Variants in GPC5 observed in about 807,000 individuals in gnomAD.
GPC5 encodes glypican-5.
Under a neutral mutation model 53.9 loss-of-function variants are expected in GPC5, and 47 were observed. That is an observed-to-expected ratio of 0.87 (90% CI 0.69 to 1.11). The LOEUF (loss-of-function observed/expected upper bound fraction) is 1.11, where lower values mean the gene tolerates loss of function less well. Among genes scored for constraint, GPC5 ranks in the 50% most tolerant of loss-of-function variants. GPC5 has a pLI of 0.00. For missense variants in GPC5, 748 were observed against 713.1 expected (o/e 1.05, Z -0.56); for synonymous variants, 286 against 263.3 (o/e 1.09, Z -0.84).
chr13:92,719,602 G>T (rs771472809), intron 7 of GPC5, among the ~76,000 whole-genome samples: 1 of 151,988 alleles, frequency 6.6e-6, no homozygotes. Context: ...TTTTCCAGAG[G>T]TTCTAACAAT....
intron 7 of GPC5, among the ~76,000 whole-genome samples, chr13:92,247,764 C>A (rs528091452): frequency 6.6e-6 from 1 of 152,072 alleles, no homozygotes; most frequent in Non-Finnish European, 1.5e-5. Context: ...AGAATACTAG[C>A]TTTTCTTAAT....
chr13:92,381,888 AT>A lies in GPC5; in HGVS notation c.1561+236901del, dbSNP rs1566565286. ...ATATATCATATATATGATTATATAT[AT>A]TATATATAATCATATATATGATATA... On this transcript the variant is annotated intron_variant, in intron 7 of 7. Transcript: ENST00000377067. 1.6e-4 allele frequency among the ~76,000 whole-genome samples: 14 copies of A among 86,070 alleles called. No individual in the cohort carries two copies. The East Asian group carries it at 4.1e-3, about 25-fold the overall frequency. 56.5% of individuals were successfully genotyped at this position (86,070 alleles called of 152,430 possible).
At position 91,790,578 on chromosome 13, in the gene GPC5, A is replaced by G. The variant is rs150814399; in HGVS notation, c.1280+34158A>G. ...TGTTAGGGGTATAATGTTAATGATG[A>G]TTTCTATGGTGTAAATCAGGACTTT... On this transcript the variant is annotated intron_variant, in intron 5 of 7. Coordinates refer to ENST00000377067, the MANE Select transcript of GPC5 (RefSeq NM_004466.6). Among the ~76,000 whole-genome samples, 42 of 152,326 alleles carry G rather than the reference A, an allele frequency of 2.8e-4. 1 individual carries two copies. The East Asian group carries it at 8.1e-3, about 29-fold the overall frequency.
intron 7 of GPC5, among the ~76,000 whole-genome samples, chr13:92,708,120 A>C (rs1399901839): frequency 6.6e-6 from 1 of 152,214 alleles, no homozygotes; most frequent in African/African-American, 2.4e-5. Flanking sequence ...AATCAGCATG[A>C]GAAACATATT....
At chr13:92,791,463 A>G (rs967228972) in intron 7 of GPC5, among the ~76,000 whole-genome samples, 2 of 151,830 alleles carry the variant, frequency 1.3e-5, no homozygotes, top group African/African-American at 4.8e-5. Flanking sequence ...GTGTCCTCAC[A>G]AAGGAGGGAC....
chr13:92,179,872 G>A (rs1264539359), intron 7 of GPC5, among the ~76,000 whole-genome samples: 8 of 152,254 alleles, frequency 5.3e-5, no homozygotes, highest in Middle Eastern at 3.4e-3. Flanking sequence ...TAATGAAAAC[G>A]TATAGGTGAA....
At chr13:91,804,111 G>A (rs1193457250) in intron 5 of GPC5, among the ~76,000 whole-genome samples, 3 of 152,156 alleles carry the variant, frequency 2.0e-5, no homozygotes, top group African/African-American at 7.2e-5. Context: ...TCTGGAACTA[G>A]TCACTTCTGA....
intron 5 of GPC5, among the ~76,000 whole-genome samples, chr13:91,887,908 C>T (rs1465847739): frequency 6.6e-6 from 1 of 152,172 alleles, no homozygotes; most frequent in Non-Finnish European, 1.5e-5. Context: ...ATTTTTCTGT[C>T]TTCTTCTGAA....
At chr13:91,705,619 T>A (rs954536883) in intron 3 of GPC5, among the ~76,000 whole-genome samples, 1 of 152,068 alleles carries the variant, frequency 6.6e-6, no homozygotes, top group East Asian at 1.9e-4. Context: ...TGTGTTTCAA[T>A]GTTACCTTCA....
chr13:92,622,234 C>A (rs1452476187), intron 7 of GPC5, among the ~76,000 whole-genome samples: 10 of 152,184 alleles, frequency 6.6e-5, no homozygotes, highest in African/African-American at 2.4e-4. Flanking sequence ...TGTTCCTGTC[C>A]TGAAGACCCA....
At chr13:92,332,386 T>C (rs2043294119) in intron 7 of GPC5, among the ~76,000 whole-genome samples, 1 of 152,148 alleles carries the variant, frequency 6.6e-6, no homozygotes, top group Non-Finnish European at 1.5e-5. Context: ...ATAAAGATAA[T>C]TGACAGAAAA....
intron 7 of GPC5, among the ~76,000 whole-genome samples, chr13:92,276,038 TAGAAAA>T (rs2042872825): frequency 6.6e-6 from 1 of 152,110 alleles, no homozygotes; most frequent in Non-Finnish European, 1.5e-5. Context: ...TCAGTTCATT[TAGAAAA>T]TGAACTGAGA....
chr13:91,782,284 G>T (rs1401353047), intron 5 of GPC5, among the ~76,000 whole-genome samples: 1 of 152,136 alleles, frequency 6.6e-6, no homozygotes, highest in Admixed American at 6.5e-5. Context: ...GTGAACGGTA[G>T]GTGGATTAGT....
At chr13:92,481,344 G>A (rs374205332) in intron 7 of GPC5, among the ~76,000 whole-genome samples, 18 of 152,018 alleles carry the variant, frequency 1.2e-4, no homozygotes, top group Admixed American at 3.3e-4. Flanking sequence ...CTCGTGATCC[G>A]CCCACCTTGG....
chr13:91,717,899 T>C (rs2036376077), intron 3 of GPC5, among the ~76,000 whole-genome samples: 1 of 152,056 alleles, frequency 6.6e-6, no homozygotes, highest in African/African-American at 2.4e-5. Context: ...TTCTAGAGCA[T>C]CTTCATACAT....
rs1488936165 is a variant in GPC5 at position 92,422,527 on chromosome 13, CACACAA to C, written c.1561+277539_1561+277544del. 4.2e-3 allele frequency among the ~76,000 whole-genome samples: 557 copies of C among 133,650 alleles called. 10 individuals carry two copies. Among genetic ancestry groups the C allele is most frequent in the African/African-American group, 0.014 (509 of 36,540 alleles). The allele number at this position is 133,650 out of a possible 152,430, so 87.7% of individuals were successfully genotyped here. ...ACACACACACACACACACACACACA[CACACAA>C]CTTCTTGGAAAGAAAAGTATTCCCC... On this transcript the variant is annotated intron_variant, in intron 7 of 7. Coordinates refer to ENST00000377067, the MANE Select transcript of GPC5 (RefSeq NM_004466.6).
intron 7 of GPC5, among the ~76,000 whole-genome samples, chr13:92,517,034 C>T (rs1202103247): frequency 6.6e-6 from 1 of 152,020 alleles, no homozygotes; most frequent in Non-Finnish European, 1.5e-5. Flanking sequence ...AGGTTATATC[C>T]CGCGCCTGTC....
chr13:91,957,236 T>C (rs1454411607), intron 6 of GPC5, among the ~76,000 whole-genome samples: 1 of 152,140 alleles, frequency 6.6e-6, no homozygotes, highest in African/African-American at 2.4e-5. Context: ...AGAAAGAATT[T>C]GAGAACTTGA....
intron 6 of GPC5, among the ~76,000 whole-genome samples, chr13:92,067,196 C>T (rs1887118): frequency 0.95 from 144,010 of 152,108 alleles, 68,512 homozygotes; most frequent in East Asian, 1. Flanking sequence ...TTCCACACCT[C>T]ATGATAAGGT....
Sources: allele counts gnomAD v4.1 joint callset (sites outside exome capture counted in the v4.1 genomes callset), GRCh38; gene constraint gnomAD v4.1.1; transcripts MANE v1.5; gene names NCBI Gene and HGNC (gene_info 2026-07-23, HGNC 2026-07-21).